The following PREX1 variants were observed in gnomAD, a reference collection of about 807,000 sequenced individuals.
PREX1 encodes phosphatidylinositol-3,4,5-trisphosphate dependent Rac exchange factor 1.
In PREX1, 41 loss-of-function variants were observed where a neutral mutation model predicts 198.3. The ratio of observed to expected loss-of-function variants is 0.21; its 90% CI spans 0.16 to 0.27. The LOEUF (loss-of-function observed/expected upper bound fraction) is 0.27, where lower values mean the gene tolerates loss of function less well. PREX1 is among the 10% of genes least tolerant of loss of function. The pLI, the probability that PREX1 is intolerant of heterozygous loss-of-function variation, is 1.00. For missense variants in PREX1, 1,620 were observed against 2,200.7 expected (o/e 0.74, Z 5.28); for synonymous variants, 843 against 887.2 (o/e 0.95, Z 0.89).
chr20:48,858,465 A>T, the PREX1 span, among the ~76,000 whole-genome samples: 1 of 152,208 alleles, frequency 6.6e-6, no homozygotes, highest in Non-Finnish European at 1.5e-5. Flanking sequence ...AGCAGCAGAA[A>T]TTGGGGATGG....
At chr20:48,886,602 G>T in the PREX1 span, among the ~76,000 whole-genome samples, 1 of 152,320 alleles carries the variant, frequency 6.6e-6, no homozygotes, top group East Asian at 1.9e-4. Flanking sequence ...GCTAGGCCCA[G>T]ACAAAATCAG....
the PREX1 span, among the ~76,000 whole-genome samples, chr20:48,848,634 T>G: frequency 6.6e-6 from 1 of 152,190 alleles, no homozygotes; most frequent in Non-Finnish European, 1.5e-5. Flanking sequence ...GATAACCACC[T>G]GGCACCCACC....
intron 4 of PREX1, among the ~76,000 whole-genome samples, chr20:48,727,163 G>A (rs1447948225): frequency 6.6e-6 from 1 of 152,164 alleles, no homozygotes; most frequent in Non-Finnish European, 1.5e-5. Flanking sequence ...GAGAGTTTTG[G>A]GTTGGAAAGT....
intron 6 of PREX1, among the ~76,000 whole-genome samples, chr20:48,705,686 G>A (rs1315837521): frequency 3.9e-5 from 6 of 152,204 alleles, no homozygotes; most frequent in Non-Finnish European, 5.9e-5. Flanking sequence ...TAGCTAGAAC[G>A]TATTATTTTC....
the PREX1 span, among the ~76,000 whole-genome samples, chr20:48,882,438 C>T: frequency 7.8e-6 from 1 of 128,420 alleles, no homozygotes; most frequent in African/African-American, 3.0e-5. Context: ...GGAGGTGGAG[C>T]TTGCAATGAG....
At chr20:48,626,761 G>A (rs1022289793) in intron 39 of PREX1, among the ~76,000 whole-genome samples, 3 of 152,256 alleles carry the variant, frequency 2.0e-5, no homozygotes, top group Non-Finnish European at 4.4e-5. Context: ...CTGGCGGGGA[G>A]CTGCCTGAAG....
At chr20:48,884,636 T>C in the PREX1 span, among the ~76,000 whole-genome samples, 1 of 152,154 alleles carries the variant, frequency 6.6e-6, no homozygotes, top group Admixed American at 6.6e-5. Flanking sequence ...TCAAAAAATA[T>C]AAATGACTAA....
At position 48,649,387 on chromosome 20, in the gene PREX1, C is replaced by T. The variant is rs1489148508; in HGVS notation, c.3218G>A (p.Arg1073His). The T allele has an allele frequency of 6.2e-6, 10 of 1,614,078 alleles. No homozygotes were observed. The highest frequency in any genetic ancestry group is 1.7e-5 in the Admixed American group (1 of 60,014). Residue 1073 changes from arginine to histidine, a missense_variant, in exon 25 of 40, where the codon CGT (arginine) becomes CAT (histidine). Physicochemically the swap from Arg to His is conservative, Grantham distance 29. This residue lies in a region of PREX1 where 514 missense variants were observed against 611.6 expected (regional missense o/e 0.84). Transcript: ENST00000371941. Reference sequence around the variant, plus strand: ...CTGCAGGTAGGCATCCTGGATCTCACGGTCCTCCTGCTTGAGTAGGAAGCT... The same window carrying T: ...CTGCAGGTAGGCATCCTGGATCTCATGGTCCTCCTGCTTGAGTAGGAAGCT... Reference protein sequence around the residue: ...GLSFLLKQEDREIQDAYLQLF... With the variant: ...GLSFLLKQEDHEIQDAYLQLF...
intron 25 of PREX1, among the ~76,000 whole-genome samples, chr20:48,648,778 G>A (rs1019567666): frequency 1.3e-5 from 2 of 152,106 alleles, no homozygotes; most frequent in Non-Finnish European, 2.9e-5. Flanking sequence ...CCTCCCCAAG[G>A]TGCCATTGAA....
In PREX1 at chr20:48,666,117, G is replaced by A. The variant is rs758730384; in HGVS notation, c.1738+166C>T. ...CAGTGGACACCAGAAGCCATTTCTC[G>A]ATCGGTTCAGAACGGGAAGGGGAGG... On this transcript the variant is annotated intron_variant, in intron 15 of 39. Transcript: ENST00000371941. This position sits in a 1 kb window ranked among gnomAD's most constrained non-coding sequence, Gnocchi z 4.3. Among the ~76,000 whole-genome samples the A allele has an allele frequency of 2.0e-5, 3 of 152,184 alleles. No individual in the cohort carries two copies. The highest frequency in any genetic ancestry group is 4.4e-5 in the Non-Finnish European group (3 of 68,032).
At chr20:48,809,776 C>G (rs989509964) in intron 1 of PREX1, among the ~76,000 whole-genome samples, 6 of 152,208 alleles carry the variant, frequency 3.9e-5, no homozygotes, top group Non-Finnish European at 5.9e-5. Flanking sequence ...TCTAACGCCC[C>G]TGGAGGAACC....
At chr20:48,848,503 C>T in the PREX1 span, among the ~76,000 whole-genome samples, 22 of 151,978 alleles carry the variant, frequency 1.4e-4, no homozygotes, top group African/African-American at 4.8e-4. Context: ...GCAATCTGCC[C>T]GCCTCATCCT....
At chr20:48,673,011 C>T (rs1829231541) in intron 14 of PREX1, among the ~76,000 whole-genome samples, 1 of 149,030 alleles carries the variant, frequency 6.7e-6, no homozygotes, top group African/African-American at 2.6e-5. Flanking sequence ...TGATACACGG[C>T]AGGTGCTCAA....
At chr20:48,788,840 C>T (rs1171730328) in intron 1 of PREX1, among the ~76,000 whole-genome samples, 1 of 152,004 alleles carries the variant, frequency 6.6e-6, no homozygotes, top group African/African-American at 2.4e-5. Flanking sequence ...GGGAGTGGAA[C>T]CGGTGGCTTT....
intron 25 of PREX1, among the ~76,000 whole-genome samples, chr20:48,649,027 A>T (rs1357984725): frequency 2.0e-5 from 3 of 152,154 alleles, no homozygotes; most frequent in African/African-American, 7.2e-5. Context: ...CTATATCCAT[A>T]ATATTTCATT....
chr20:48,659,306 A>G (rs1568808330), intron 16 of PREX1, among the ~76,000 whole-genome samples: 1 of 140,050 alleles, frequency 7.1e-6, no homozygotes, highest in Non-Finnish European at 1.6e-5. Context: ...AAACAAGAAA[A>G]GAGAAAAGAA....
chr20:48,888,154 T>C, the PREX1 span, among the ~76,000 whole-genome samples: 2,061 of 152,156 alleles, frequency 0.014, 53 homozygotes, highest in African/African-American at 0.047. Flanking sequence ...GAAAAGCACT[T>C]CTTACATGGT....
intron 20 of PREX1, among the ~76,000 whole-genome samples, chr20:48,653,073 T>G (rs932645758): frequency 5.9e-5 from 9 of 152,106 alleles, no homozygotes; most frequent in African/African-American, 2.2e-4. Context: ...CCCAACCCAC[T>G]TGACTATGTG....
intron 1 of PREX1, among the ~76,000 whole-genome samples, chr20:48,774,736 G>T (rs1310031089): frequency 6.6e-6 from 1 of 152,256 alleles, no homozygotes; most frequent in African/African-American, 2.4e-5. Flanking sequence ...GGGAGTGGCT[G>T]GACCCGCACG....
Sources: allele counts gnomAD v4.1 joint callset (sites outside exome capture counted in the v4.1 genomes callset), GRCh38; gene constraint gnomAD v4.1.1; regional missense constraint gnomAD v4.1.1; non-coding constraint Gnocchi (gnomAD v3.1); transcripts MANE v1.5; gene names NCBI Gene and HGNC (gene_info 2026-07-23, HGNC 2026-07-21).